STMN1: variants seen among roughly 807,000 people sequenced by gnomAD.
STMN1 encodes stathmin 1.
In STMN1, 3 loss-of-function variants were observed where a neutral mutation model predicts 19.7. The observed-to-expected ratio is 0.15, with a 90% confidence interval of 0.07 to 0.39. The LOEUF (loss-of-function observed/expected upper bound fraction) is 0.39, where lower values mean the gene tolerates loss of function less well. Among genes scored for constraint, STMN1 ranks in the 10% least tolerant of loss-of-function variants. The pLI is 1.00. For synonymous variants in STMN1, 59 were observed against 58.9 expected, an observed-to-expected ratio of 1.00 and a Z score of -0.01; for missense variants, 99 against 176.0, an observed-to-expected ratio of 0.56 and a Z score of 2.48.
chr1:25,906,427 A>T (rs1324132488), upstream of STMN1: 1 of 154,066 alleles, frequency 6.5e-6, no homozygotes, highest in East Asian at 2.0e-4. This position sits in a 1 kb window ranked among gnomAD's most constrained non-coding sequence, Gnocchi z 4.5. Context: ...TCTGAGCACC[A>T]ACAGACCCGG....
At chr1:25,888,957 T>C in intron 4 of STMN1, 2 of 454,424 alleles carry the variant, frequency 4.4e-6, no homozygotes, top group South Asian at 3.5e-5. Flanking sequence ...TGTGCTTGAC[T>C]CCGCTTCTTG....
chr1:25,888,201 A>G (rs2048741481), intron 4 of STMN1, among the ~76,000 whole-genome samples: 1 of 152,186 alleles, frequency 6.6e-6, no homozygotes, highest in South Asian at 2.1e-4. Context: ...GCTCCTAGAA[A>G]ACACTGAAGA....
intron 4 of STMN1, among the ~76,000 whole-genome samples, chr1:25,893,666 A>C (rs1444354349): frequency 1.3e-5 from 2 of 152,026 alleles, no homozygotes; most frequent in African/African-American, 4.8e-5. Context: ...TCAGCCTCCC[A>C]AGCAGCTGGG....
downstream of STMN1, among the ~76,000 whole-genome samples, chr1:25,897,036 C>T (rs142860419): frequency 5.0e-3 from 760 of 152,262 alleles, 7 homozygotes; most frequent in African/African-American, 0.017. Context: ...TTGGCCTTGC[C>T]AGGCGCGGTG....
At chr1:25,886,795 A>C (rs159527) in intron 4 of STMN1, among the ~76,000 whole-genome samples, 85,362 of 151,544 alleles carry the variant, frequency 0.56, 24,322 homozygotes, top group South Asian at 0.74. Context: ...TTCACCATGG[A>C]CAGGATCGTT....
chr1:25,902,690 A>G (rs920860324), intron 3 of STMN1: 61 of 152,236 alleles, frequency 4.0e-4, no homozygotes, highest in Admixed American at 1.0e-3. Flanking sequence ...TAATGACTAC[A>G]GGGCCAGGGT....
In STMN1 at chr1:25,900,429, A is replaced by AAACGGGGCAGAG. The variant is rs1553128873; in HGVS notation, c.*575_*586dup. The AAACGGGGCAGAG allele has an allele frequency of 4.1e-6, 4 of 985,768 alleles. No homozygotes were observed. The East Asian group carries it at 4.5e-4, about 112-fold the overall frequency. The allele number at this position is 985,768 out of a possible 1,614,324, so 61.1% of individuals were successfully genotyped here. A position where few individuals can be genotyped will look rare whatever the true frequency, so the allele number is the denominator to read the frequency against. Reference sequence around the variant, plus strand: ...ACAATGCAAACCACACTGGGGCAAGAAACGGGGCAGAGAACGTGCGGTCAT... The same window carrying AAACGGGGCAGAG: ...ACAATGCAAACCACACTGGGGCAAGAAACGGGGCAGAGAACGGGGCAGAGAACGTGCGGTCAT... On this transcript the variant is annotated 3_prime_UTR_variant, in exon 5 of 5. Coordinates refer to ENST00000455785, the MANE Select transcript of STMN1 (RefSeq NM_005563.4).
At chr1:25,903,834 A>G in intron 2 of STMN1, 21 bp from the exon 3 acceptor site, 1 of 1,576,012 alleles carries the variant, frequency 6.3e-7, no homozygotes, top group Non-Finnish European at 8.6e-7. Context: ...TTATATTTAT[A>G]ATTCAGAAAA....
At chr1:25,885,687 C>G (rs779831395) in exon 5 of STMN1, 20 of 1,536,132 alleles carry the variant, frequency 1.3e-5, no homozygotes, top group Non-Finnish European at 1.7e-5. Context: ...GTCTCAAGGT[C>G]ATTGCTATCA....
chr1:25,896,093 C>T (rs966862795), downstream of STMN1, among the ~76,000 whole-genome samples: 3 of 152,186 alleles, frequency 2.0e-5, no homozygotes, highest in African/African-American at 7.2e-5. Context: ...ATGAGTAACA[C>T]TTGTGATACA....
At position 25,900,146 on chromosome 1, in the gene STMN1, T is replaced by C. The variant is rs1326142342; in HGVS notation, c.*870A>G. On this transcript the variant is annotated 3_prime_UTR_variant, in exon 5 of 5. Transcript: ENST00000455785. ...ACAGCAGTACATAAAGTTTTATTAA[T>C]ATTCTGATTCTCGTGTCATAGCTTT... The C allele has an allele frequency of 1.0e-6, 1 of 985,870 alleles. No homozygotes were observed. Among genetic ancestry groups the C allele is most frequent in the Non-Finnish European group, 1.2e-6 (1 of 829,940 alleles). The allele number at this position is 985,870 out of a possible 1,614,324, so 61.1% of individuals were successfully genotyped here. A position where few individuals can be genotyped will look rare whatever the true frequency, so the allele number is the denominator to read the frequency against.
chr1:25,887,937 G>A (rs1190124315), intron 4 of STMN1, among the ~76,000 whole-genome samples: 3 of 152,126 alleles, frequency 2.0e-5, no homozygotes, highest in Admixed American at 6.5e-5. Context: ...CACCCACCTC[G>A]GCCTCCCAAA....
chr1:25,901,980 A>C (rs1019170798), intron 3 of STMN1: 32 of 202,220 alleles, frequency 1.6e-4, no homozygotes, highest in Non-Finnish European at 2.1e-4. Flanking sequence ...ACTGCACTCC[A>C]CCCTGGGTGA....
intron 4 of STMN1, chr1:25,892,402 T>TTAA: frequency 3.3e-6 from 1 of 302,994 alleles, no homozygotes; most frequent in Non-Finnish European, 4.7e-6. Context: ...TTTTTTTTTT[T>TTAA]AAATAAAATC....
rs1037618340 is a variant in STMN1, at chr1:25,900,419, C to G, written c.*597G>C. On this transcript the variant is annotated 3_prime_UTR_variant, in exon 5 of 5. Transcript: ENST00000455785. Reference sequence around the variant, plus strand: ...GTGGAAGGAGACAATGCAAACCACACTGGGGCAAGAAACGGGGCAGAGAAC... The same window carrying G: ...GTGGAAGGAGACAATGCAAACCACAGTGGGGCAAGAAACGGGGCAGAGAAC... 46 of 985,750 alleles carry G rather than the reference C, an allele frequency of 4.7e-5. No homozygotes were observed. Among genetic ancestry groups the G allele is most frequent in the Non-Finnish European group, 5.3e-5 (44 of 829,984 alleles). The allele number at this position is 985,750 out of a possible 1,614,324, so 61.1% of individuals were successfully genotyped here. A position where few individuals can be genotyped will look rare whatever the true frequency, so the allele number is the denominator to read the frequency against.
At chr1:25,887,368 A>G in intron 4 of STMN1, 2 of 277,964 alleles carry the variant, frequency 7.2e-6, no homozygotes, top group Non-Finnish European at 7.2e-6. Flanking sequence ...CGGTAAGTCT[A>G]CCCCTCAATC....
chr1:25,904,698 A>G lies in STMN1; in HGVS notation c.-22T>C, dbSNP rs771142046. On this transcript the variant is annotated 5_prime_UTR_variant, in exon 2 of 5. Transcript: ENST00000455785. ...CCATGGTGAATAGAAGACAAGCGAC[A>G]GGCAGTGTATTCTGCACAATCAACT... 2 of 1,613,564 alleles carry G rather than the reference A, an allele frequency of 1.2e-6. No homozygotes were observed. The highest frequency in any genetic ancestry group is 1.6e-4 in the Middle Eastern group (1 of 6,084).
downstream of STMN1, among the ~76,000 whole-genome samples, chr1:25,897,311 GAAAAA>G (rs745773752): frequency 1.1e-5 from 1 of 94,148 alleles, no homozygotes; most frequent in East Asian, 2.6e-4. Context: ...AGACTGTCTC[GAAAAA>G]AAAAAAAAAA....
Position 25,903,656 on chromosome 1 carries a change from T to C in STMN1, c.171A>G (p.Ala57=). The C allele has an allele frequency of 6.2e-7, 1 of 1,612,850 alleles. No individual in the cohort carries two copies. The highest frequency in any genetic ancestry group is 2.2e-5 in the East Asian group (1 of 44,884). ...LEEIQKKLEA[A]EERRKSHEAE... is the part of the protein sequence containing the mutation. ...CTTCGTTTACCTTGCGTCTTTCTTC[T>C]GCAGCTTCTAATTTCTTCTGAATTT... The change falls in exon 3 of 5, where the codon GCA becomes GCG. Residue 57 remains alanine (A), a synonymous_variant. Coordinates refer to ENST00000455785, the MANE Select transcript of STMN1 (RefSeq NM_005563.4).
Sources: gnomAD v4.1 joint callset for allele counts (sites outside exome capture counted in the v4.1 genomes callset) on GRCh38, gnomAD v4.1.1 for gene constraint, Gnocchi (gnomAD v3.1) non-coding constraint, MANE v1.5 for transcripts, NCBI Gene and HGNC (gene_info 2026-07-23, HGNC 2026-07-21) for gene names.